Variants in POLG2 observed in about 807,000 individuals in gnomAD.
POLG2 encodes DNA polymerase subunit gamma-2.
A neutral mutation model predicts 56.5 loss-of-function variants in POLG2; 50 were observed. That is an observed-to-expected ratio of 0.88 (90% confidence interval 0.71 to 1.12). The LOEUF is 1.12. Ranked by LOEUF, POLG2 falls within the 50% of genes most tolerant of loss-of-function variation. The probability of loss-of-function intolerance (pLI) is 0.00; values close to 1 mark genes in which losing one functional copy is unlikely to be tolerated. For synonymous variants in POLG2, 226 were observed against 222.6 expected, an observed-to-expected ratio of 1.02 and a Z score of -0.14; for missense variants, 584 against 583.3, an observed-to-expected ratio of 1.00 and a Z score of -0.01.
In POLG2 at chr17:64,480,322, G is replaced by A; in HGVS notation, c.1259C>T (p.Thr420Ile). The A allele has an allele frequency of 6.3e-7, 1 of 1,593,888 alleles. No homozygotes were observed. Among genetic ancestry groups the A allele is most frequent in the South Asian group, 1.1e-5 (1 of 90,600 alleles). Residue 420 changes from threonine to isoleucine, a missense_variant, in exon 7 of 8, where the codon ACT becomes ATT. Coordinates refer to ENST00000539111, the MANE Select transcript of POLG2 (RefSeq NM_007215.4). ...GISVWPGYLE[T>I]MQSSLEQLYS... ...AAGTTGTTCCAATGAGGACTGCATA[G>A]TTTCCAAATAACCAGGCCACACAGA...
chr17:64,491,063 T>C, intron 3 of POLG2, 94 bp from the exon 4 acceptor site: 1 of 996,876 alleles, frequency 1.0e-6, no homozygotes, highest in Non-Finnish European at 1.6e-6. Context: ...TGTCCGATAC[T>C]TTTTATTCAG....
intron 1 of POLG2, among the ~76,000 whole-genome samples, chr17:64,494,121 A>G (rs1249038655): frequency 1.3e-5 from 2 of 152,156 alleles, no homozygotes; most frequent in Non-Finnish European, 2.9e-5. Flanking sequence ...ATCCATTTGA[A>G]TCTAGAACAT....
intron 4 of POLG2, among the ~76,000 whole-genome samples, chr17:64,488,660 T>G (rs755222167): frequency 1.2e-4 from 19 of 152,338 alleles, no homozygotes; most frequent in Non-Finnish European, 2.6e-4. Flanking sequence ...TAAGTTTCAT[T>G]TGAGAGCTGA....
At position 64,482,100 on chromosome 17, in the gene POLG2, T is replaced by TTTA. The variant is rs1298901093; in HGVS notation, c.1191+818_1191+819insTAA. 3.6e-5 allele frequency among the ~76,000 whole-genome samples: 5 copies of TTTA among 140,462 alleles called. No individual in the cohort carries two copies. In the East Asian group the frequency reaches 1.0e-3, roughly 28 times the overall value. The allele number at this position is 140,462 out of a possible 152,430, so 92.1% of individuals were successfully genotyped here. A position where few individuals can be genotyped will look rare whatever the true frequency, so the allele number is the denominator to read the frequency against. ...CAGTTCATTATTTAATTAAAGCTTT[T>TTTA]TTTTTTTTTTTTTTTTTTTCTGAAG... On this transcript the variant is annotated intron_variant, in intron 6 of 7. Coordinates refer to ENST00000539111, the MANE Select transcript of POLG2 (RefSeq NM_007215.4).
chr17:64,489,764 GA>G (rs34853953), intron 4 of POLG2, among the ~76,000 whole-genome samples: 12,971 of 142,204 alleles, frequency 0.091, 1,617 homozygotes, highest in African/African-American at 0.29. Flanking sequence ...CTCAAATAAA[GA>G]AAAAAAAAAA....
intron 5 of POLG2, among the ~76,000 whole-genome samples, 185 bp from the exon 6 acceptor site, chr17:64,483,184 G>GC (rs1568083263): frequency 6.6e-6 from 1 of 152,222 alleles, no homozygotes; most frequent in East Asian, 1.9e-4. Flanking sequence ...ATATTCAGCT[G>GC]CCCCCCAGAT....
At position 64,496,905 on chromosome 17, in the gene POLG2, C is replaced by T. The variant is rs782194725; in HGVS notation, c.64G>A (p.Gly22Arg). ...GGCTGCCCCGCATCTACTCGACCCCCAAACCCAGACAACAGGCACCTGCAG... is the reference window on the plus strand; with the variant it reads ...GGCTGCCCCGCATCTACTCGACCCCTAAACCCAGACAACAGGCACCTGCAG... ...KVCRCLLSGF[G>R]GRVDAGQPEL... is the part of the protein sequence containing the mutation. Residue 22 changes from glycine (G) to arginine (R), a missense_variant, in exon 1 of 8, where the codon GGG becomes AGG. Coordinates refer to ENST00000539111, the MANE Select transcript of POLG2 (RefSeq NM_007215.4). 28 of 1,612,718 alleles carry T rather than the reference C, an allele frequency of 1.7e-5. No homozygotes were observed. The highest frequency in any genetic ancestry group is 2.2e-5 in the Non-Finnish European group (26 of 1,180,036).
At chr17:64,484,991 T>TAACTCC in intron 5 of POLG2, among the ~76,000 whole-genome samples, 1 of 152,292 alleles carries the variant, frequency 6.6e-6, no homozygotes, top group East Asian at 1.9e-4. Flanking sequence ...TAGTGCCTCC[T>TAACTCC]AACTCCCTGA....
chr17:64,478,080 C>T, intron 7 of POLG2, 92 bp from the exon 8 acceptor site: 2 of 1,344,028 alleles, frequency 1.5e-6, no homozygotes, highest in Non-Finnish European at 2.1e-6. Flanking sequence ...TTCATGCACT[C>T]TCAAGAGTCA....
rs1198172343 is a variant in POLG2 at position 64,492,712 on chromosome 17, C to G, written c.750G>C (p.Gln250His). 14 of 1,613,184 alleles carry G rather than the reference C, an allele frequency of 8.7e-6. No individual in the cohort carries two copies. The highest frequency in any genetic ancestry group is 1.2e-5 in the Non-Finnish European group (14 of 1,179,600). ...GATGACGTAACCAGAAATCAAGCCA[C>G]TGGTTTGAAGTTCTCGGAGGAGTAA... Reference protein sequence around the residue: ...VWFTPPRTSNQWLDFWLRHRL... With the variant: ...VWFTPPRTSNHWLDFWLRHRL... Residue 250 changes from glutamine to histidine, a missense_variant, in exon 3 of 8, where the codon CAG becomes CAC. Coordinates refer to ENST00000539111, the MANE Select transcript of POLG2 (RefSeq NM_007215.4).
rs34853953 is a variant in POLG2, at chr17:64,489,764, G to GA, written c.969+1031dup. The stretch of plus-strand genomic sequence containing the variant: ...AGAGTGAGATCCTGTCTCAAATAAA[G>GA]AAAAAAAAAAATCACCATTTGGCAA... On this transcript the variant is annotated intron_variant, in intron 4 of 7. Transcript: ENST00000539111. 1.2e-3 allele frequency among the ~76,000 whole-genome samples: 174 copies of GA among 142,278 alleles called. 2 individuals are homozygous for GA. In the East Asian group the frequency reaches 0.017, roughly 14 times the overall value. The allele number at this position is 142,278 out of a possible 152,430, so 93.3% of individuals were successfully genotyped here.
chr17:64,484,481 T>C (rs2037918187), intron 5 of POLG2, among the ~76,000 whole-genome samples: 1 of 152,080 alleles, frequency 6.6e-6, no homozygotes, highest in Non-Finnish European at 1.5e-5. Flanking sequence ...CTGAGTGAGA[T>C]GAGAAGCTTT....
chr17:64,480,542 C>T (rs1344805832), intron 6 of POLG2, among the ~76,000 whole-genome samples, 153 bp from the exon 7 acceptor site: 2 of 152,182 alleles, frequency 1.3e-5, no homozygotes, highest in African/African-American at 4.8e-5. Flanking sequence ...ACTTCCATAT[C>T]ATATACTTTA....
Position 64,480,351 on chromosome 17 carries a change from C to T in POLG2, c.1230G>A (p.Gly410=), listed in dbSNP as rs1555666255. The T allele has an allele frequency of 6.3e-7, 1 of 1,598,328 alleles. No homozygotes were observed. The highest frequency in any genetic ancestry group is 8.6e-7 in the Non-Finnish European group (1 of 1,167,118). ...CCAAATAACCAGGCCACACAGAAAT[C>T]CCATTTTCTAGTAACTCATTAAATA... ...QGLFNELLEN[G]ISVWPGYLET... Residue 410 remains glycine, a synonymous_variant, in exon 7 of 8, where the codon GGG becomes GGA. Transcript: ENST00000539111.
At chr17:64,483,339 ACTT>A (rs1387693420) in intron 5 of POLG2, among the ~76,000 whole-genome samples, 1 of 151,218 alleles carries the variant, frequency 6.6e-6, no homozygotes, top group Non-Finnish European at 1.5e-5. Flanking sequence ...CACGGTGAAA[ACTT>A]CTCTCTACCA....
intron 3 of POLG2, 131 bp from the exon 4 acceptor site, chr17:64,491,100 G>A (rs898060276): frequency 3.0e-5 from 22 of 728,628 alleles, no homozygotes; most frequent in Middle Eastern, 2.8e-4. Context: ...GTCAAGTCCC[G>A]AATACAAATT....
chr17:64,487,145 T>C (rs922642285), intron 4 of POLG2: 1 of 152,130 alleles, frequency 6.6e-6, no homozygotes, highest in Non-Finnish European at 1.5e-5. Context: ...TTATTCATGA[T>C]CAACCACAGT....
Position 64,491,527 on chromosome 17 carries a change from A to G in POLG2, c.796-558T>C, listed in dbSNP as rs1369443389. The G allele has an allele frequency of 4.6e-6, 7 of 1,533,298 alleles. No homozygotes were observed. The Admixed American group carries it at 1.2e-4, about 26-fold the overall frequency. The allele number at this position is 1,533,298 out of a possible 1,614,324, so 95.0% of individuals were successfully genotyped here. On this transcript the variant is annotated intron_variant, in intron 3 of 7. Transcript: ENST00000539111. Reference sequence around the variant, plus strand: ...TATGTCTCTAAAAAAACCAAGATGGAGTCAGTTGTACCAGTGAAGGACAAG... The same window carrying G: ...TATGTCTCTAAAAAAACCAAGATGGGGTCAGTTGTACCAGTGAAGGACAAG...
intron 4 of POLG2, among the ~76,000 whole-genome samples, chr17:64,489,998 C>T (rs902250939): frequency 1.9e-4 from 29 of 151,736 alleles, no homozygotes; most frequent in Admixed American, 1.3e-4. Context: ...GATCTTGGCT[C>T]ATCGCAACCT....
Sources: gnomAD v4.1 joint callset for allele counts (sites outside exome capture counted in the v4.1 genomes callset) on GRCh38, gnomAD v4.1.1 for gene constraint, MANE v1.5 for transcripts, NCBI Gene and HGNC (gene_info 2026-07-23, HGNC 2026-07-21) for gene names.